Variants in USP32 observed in about 807,000 individuals in gnomAD.
The protein encoded by USP32 is ubiquitin specific peptidase 32, also known as ubiquitin carboxyl-terminal hydrolase 32.
USP32 carries 59 observed loss-of-function variants against 204.8 expected under a neutral mutation model. That is an observed-to-expected ratio of 0.29 (90% CI 0.23 to 0.36). USP32 has a LOEUF of 0.36. Among genes scored for constraint, USP32 ranks in the 10% least tolerant of loss-of-function variants. The pLI, the probability that USP32 is intolerant of heterozygous loss-of-function variation, is 1.00. For synonymous variants in USP32, 517 were observed against 678.4 expected, an observed-to-expected ratio of 0.76 and a Z score of 3.70; for missense variants, 1,160 against 1,946.4, an observed-to-expected ratio of 0.60 and a Z score of 7.60.
chr17:60,408,183 A>G (rs190753243), intron 1 of USP32, among the ~76,000 whole-genome samples: 1 of 152,258 alleles, frequency 6.6e-6, no homozygotes, highest in East Asian at 1.9e-4. Flanking sequence ...AGCAGGGGGG[A>G]AAAATCAGGT....
upstream of USP32, among the ~76,000 whole-genome samples, chr17:60,393,480 A>C (rs1018544985): frequency 1.3e-5 from 2 of 152,086 alleles, no homozygotes; most frequent in African/African-American, 4.8e-5. Flanking sequence ...TTGATTTTCA[A>C]CTCTTATTTA....
chr17:60,353,151 C>T (rs763969785), intron 1 of USP32, among the ~76,000 whole-genome samples: 3 of 152,022 alleles, frequency 2.0e-5, no homozygotes, highest in Non-Finnish European at 2.9e-5. Flanking sequence ...AAGGATAGGA[C>T]GCTGAACTTA....
At chr17:60,416,358 A>AG (rs1372763774) in intron 1 of USP32, among the ~76,000 whole-genome samples, 1 of 152,190 alleles carries the variant, frequency 6.6e-6, no homozygotes, top group Non-Finnish European at 1.5e-5. Context: ...TAGGGGATGG[A>AG]GGTAAAGCAT....
chr17:60,328,941 G>A (rs887421043), intron 2 of USP32, among the ~76,000 whole-genome samples: 4 of 152,106 alleles, frequency 2.6e-5, no homozygotes, highest in East Asian at 1.9e-4. Flanking sequence ...CCAGCTCCAC[G>A]CCTGACTCAC....
chr17:60,198,348 T>C lies in USP32; in HGVS notation c.3346A>G (p.Lys1116Glu), dbSNP rs1429602527. 6.2e-7 allele frequency: 1 copy of C among 1,614,198 alleles called. No homozygotes were observed. The highest frequency in any genetic ancestry group is 1.7e-5 in the Admixed American group (1 of 60,014). ...ATCCAAACCGCATCATATAGGTCTT[T>C]CTTCCGGGTATGCACAGTACATGGA... The part of the protein sequence containing the change: ...IVPCTVHTRK[K>E]DLYDAVWIQV... Residue 1116 changes from lysine (K) to glutamate (E), a missense_variant, in exon 27 of 34, where the codon AAA becomes GAA. Around this residue, in one of 8 missense-constraint regions of USP32, gnomAD observed 160 missense variants for 322.5 expected, o/e 0.50. Transcript: ENST00000300896.
intron 8 of USP32, 79 bp from the exon 9 acceptor site, chr17:60,265,553 T>A: frequency 3.1e-6 from 3 of 965,992 alleles, no homozygotes; most frequent in Non-Finnish European, 4.8e-6. Flanking sequence ...TAAAGTATAT[T>A]AAGCAAGATT....
At chr17:60,229,158 C>T (rs1490007649) in intron 12 of USP32, among the ~76,000 whole-genome samples, 2 of 151,904 alleles carry the variant, frequency 1.3e-5, no homozygotes, top group Non-Finnish European at 2.9e-5. Context: ...CTCAAGTGAT[C>T]CTTCCACCTC....
chr17:60,364,228 A>T (rs2089269616), intron 1 of USP32, among the ~76,000 whole-genome samples: 1 of 152,330 alleles, frequency 6.6e-6, no homozygotes, highest in South Asian at 2.1e-4. Context: ...TCATGAGGGC[A>T]GAGCCCTCAT....
chr17:60,415,261 T>G (rs1192996234), intron 1 of USP32, among the ~76,000 whole-genome samples: 1 of 152,144 alleles, frequency 6.6e-6, no homozygotes, highest in African/African-American at 2.4e-5. Flanking sequence ...CTGTACATGG[T>G]CAAATATCTT....
chr17:60,375,696 T>C (rs913526720), intron 1 of USP32, among the ~76,000 whole-genome samples: 1 of 152,084 alleles, frequency 6.6e-6, no homozygotes, highest in African/African-American at 2.4e-5. Flanking sequence ...CTCCGCCTCC[T>C]GGGTTCAAGT....
At chr17:60,253,972 A>G (rs767455107) in intron 10 of USP32, among the ~76,000 whole-genome samples, 2 of 152,200 alleles carry the variant, frequency 1.3e-5, no homozygotes, top group Non-Finnish European at 2.9e-5. Context: ...TTTTAAATAC[A>G]TAAAACTTAG....
intron 5 of USP32, among the ~76,000 whole-genome samples, chr17:60,279,502 C>A (rs1178515981): frequency 6.7e-6 from 1 of 148,272 alleles, no homozygotes; most frequent in Non-Finnish European, 1.5e-5. Flanking sequence ...AAAAAAAAAA[C>A]CTTATCTATA....
intron 13 of USP32, 68 bp downstream of exon 13, chr17:60,225,971 G>T: frequency 2.5e-4 from 260 of 1,057,352 alleles, no homozygotes; most frequent in Non-Finnish European, 3.1e-4. Flanking sequence ...AAAAAAAAAA[G>T]AAAAGAAAAG....
At chr17:60,292,491 A>C (rs1235050255) in intron 4 of USP32, among the ~76,000 whole-genome samples, 2 of 152,170 alleles carry the variant, frequency 1.3e-5, no homozygotes, top group Admixed American at 6.5e-5. Context: ...AGTTAGTGGT[A>C]ATTCCATTCA....
intron 2 of USP32, among the ~76,000 whole-genome samples, chr17:60,309,956 A>G (rs752304566): frequency 1.8e-4 from 28 of 152,116 alleles, no homozygotes; most frequent in Admixed American, 4.6e-4. Flanking sequence ...AGGCAGGAGA[A>G]CTGTTTGAAC....
intron 2 of USP32, among the ~76,000 whole-genome samples, chr17:60,342,726 G>A (rs1011327409): frequency 3.9e-5 from 6 of 152,352 alleles, no homozygotes; most frequent in East Asian, 3.9e-4. Context: ...CATGGGACCC[G>A]CTGAGTCAGG....
chr17:60,386,080 G>A (rs2089726271), intron 1 of USP32, among the ~76,000 whole-genome samples: 1 of 151,822 alleles, frequency 6.6e-6, no homozygotes, highest in Admixed American at 6.6e-5. Context: ...GGAAACACTT[G>A]AAAAGCTAGT....
intron 3 of USP32, among the ~76,000 whole-genome samples, chr17:60,296,621 T>C (rs73318858): frequency 0.044 from 6,746 of 152,262 alleles, 534 homozygotes; most frequent in African/African-American, 0.15. Context: ...TGGTGCTTTG[T>C]TATGGCAGCC....
intron 2 of USP32, among the ~76,000 whole-genome samples, chr17:60,327,384 G>C (rs563074958): frequency 6.6e-6 from 1 of 151,010 alleles, no homozygotes; most frequent in Admixed American, 6.6e-5. Context: ...AGCAGCCCAT[G>C]GCACAGCTGT....
Sources: gnomAD v4.1 joint callset for allele counts (sites outside exome capture counted in the v4.1 genomes callset) on GRCh38, gnomAD v4.1.1 for gene constraint, gnomAD v4.1.1 regional missense constraint, MANE v1.5 for transcripts, NCBI Gene and HGNC (gene_info 2026-07-23, HGNC 2026-07-21) for gene names.